OPHN1: variants seen among roughly 807,000 people sequenced by gnomAD.
The protein encoded by OPHN1 is oligophrenin-1.
Under a neutral mutation model 60.7 loss-of-function variants are expected in OPHN1, and 11 were observed. That is an observed-to-expected ratio of 0.18 (90% CI 0.11 to 0.30). The LOEUF (loss-of-function observed/expected upper bound fraction) is 0.30. Among genes scored for constraint, OPHN1 ranks in the 10% least tolerant of loss-of-function variants. The probability of loss-of-function intolerance (pLI) is 1.00; values close to 1 mark genes in which losing one functional copy is unlikely to be tolerated. For synonymous variants in OPHN1, 226 were observed against 222.6 expected (o/e 1.02, Z -0.14); for missense variants, 449 against 611.0 (o/e 0.73, Z 2.80).
intron 3 of OPHN1, among the ~76,000 whole-genome samples, chrX:68,289,547 C>T (rs774370477): frequency 1.8e-5 from 2 of 111,893 alleles, no homozygotes; most frequent in East Asian, 5.6e-4. Context: ...TCTGGGAAAC[C>T]ATACCTAAAA....
chrX:68,346,675 G>C (rs2078380677), intron 2 of OPHN1, among the ~76,000 whole-genome samples: 1 of 112,029 alleles, frequency 8.9e-6, no homozygotes, highest in Non-Finnish European at 1.9e-5. Flanking sequence ...GGCTGGGAGA[G>C]GGAAAAGGTC....
chrX:68,063,874 G>A lies in OPHN1; in HGVS notation c.2138C>T (p.Pro713Leu). Residue 713 changes from proline (P) to leucine (L), a missense_variant, in exon 21 of 25, where the codon CCC (proline) becomes CTC (leucine). Transcript: ENST00000355520. ...SFHIKRPAPR[P>L]LAHHKEGDAD... The stretch of plus-strand genomic sequence containing the variant: ...CTTACCCTCCTTGTGGTGGGCCAGG[G>A]GCCGGGGAGCTGGTCTCTTTATGTG... 2.6e-6 allele frequency: 3 copies of A among 1,171,723 alleles called. No homozygotes were observed. Among genetic ancestry groups the A allele is most frequent in the East Asian group, 3.1e-5 (1 of 32,363 alleles).
chrX:68,167,528 T>G (rs146965139), intron 15 of OPHN1, among the ~76,000 whole-genome samples: 7,845 of 110,226 alleles, frequency 0.071, 238 homozygotes, highest in African/African-American at 0.1. Flanking sequence ...TGTGTGTGTG[T>G]GTGTATATGT....
chrX:68,179,825 T>C lies in OPHN1; in HGVS notation c.1276+13094A>G, dbSNP rs777175645. Among the ~76,000 whole-genome samples the C allele has an allele frequency of 3.7e-3, 412 of 111,751 alleles. 3 individuals are homozygous for C. Among genetic ancestry groups the C allele is most frequent in the African/African-American group, 0.013 (388 of 30,760 alleles). The stretch of plus-strand genomic sequence containing the variant: ...CATTGTCATCTGGTGAGGGTCTTTA[T>C]GTTCATCATCCCATGACAGCTGGGC... On this transcript the variant is annotated intron_variant, in intron 15 of 24. Coordinates refer to ENST00000355520, the MANE Select transcript of OPHN1 (RefSeq NM_002547.3).
intron 2 of OPHN1, among the ~76,000 whole-genome samples, chrX:68,427,089 T>TAAAAA (rs11446400): frequency 4.1e-5 from 3 of 72,702 alleles, no homozygotes; most frequent in Admixed American, 1.8e-4. Context: ...CCATCTCTAC[T>TAAAAA]AAAAAAAAAA....
chrX:68,276,665 T>C (rs1844283387), intron 4 of OPHN1, among the ~76,000 whole-genome samples: 1 of 111,026 alleles, frequency 9.0e-6, no homozygotes, highest in African/African-American at 3.3e-5. Flanking sequence ...AGAGGTGAGG[T>C]CTATGTCCCC....
At chrX:68,380,052 G>C in intron 2 of OPHN1, among the ~76,000 whole-genome samples, 1 of 111,095 alleles carries the variant, frequency 9.0e-6, no homozygotes, top group Middle Eastern at 4.6e-3. Flanking sequence ...GAATCCATCT[G>C]GTCATGGACT....
intron 16 of OPHN1, among the ~76,000 whole-genome samples, chrX:68,116,317 T>C (rs1200397460): frequency 8.9e-6 from 1 of 112,090 alleles, no homozygotes; most frequent in Non-Finnish European, 1.9e-5. Context: ...TTTCAAGGTA[T>C]GGCAAGAAAA....
At chrX:68,250,482 G>T (rs1409047860) in intron 5 of OPHN1, among the ~76,000 whole-genome samples, 1 of 111,108 alleles carries the variant, frequency 9.0e-6, no homozygotes, top group East Asian at 2.8e-4. Flanking sequence ...GAGTTGGCCT[G>T]CTCAGTTCTG....
In OPHN1 at chrX:68,334,535, G is replaced by A. The variant is rs186099715; in HGVS notation, c.155-35439C>T. ...TGTGTACTTACATTTTGATATCGAT[G>A]AATTTCCATATAGTTAGACTTTGAT... On this transcript the variant is annotated intron_variant, in intron 2 of 24. Coordinates refer to ENST00000355520, the MANE Select transcript of OPHN1 (RefSeq NM_002547.3). 6.3e-4 allele frequency among the ~76,000 whole-genome samples: 70 copies of A among 111,872 alleles called. 1 individual carries two copies. In the East Asian group the frequency reaches 0.014, roughly 22 times the overall value.
rs1266981689 is a variant in OPHN1, at chrX:68,426,569, T to TAA, written c.154+6297_154+6298insTT. The stretch of plus-strand genomic sequence containing the variant: ...CATCTGTTTTATATATATATATATA[T>TAA]ACATACACAGAGGCTGGGCGTGATG... On this transcript the variant is annotated intron_variant, in intron 2 of 24. Coordinates refer to ENST00000355520, the MANE Select transcript of OPHN1 (RefSeq NM_002547.3). 2.6e-4 allele frequency among the ~76,000 whole-genome samples: 11 copies of TAA among 41,581 alleles called. No homozygotes were observed. The East Asian group carries it at 3.7e-3, about 14-fold the overall frequency. The allele number at this position is 41,581 out of a possible 115,157, so 36.1% of individuals were successfully genotyped here.
chrX:68,069,013 A>G (rs755492783), intron 20 of OPHN1, among the ~76,000 whole-genome samples: 4 of 112,260 alleles, frequency 3.6e-5, no homozygotes, highest in African/African-American at 1.3e-4. Context: ...ACTAAAAACC[A>G]TTAAACTGTA....
chrX:68,153,955 T>C (rs1182397422), intron 15 of OPHN1, among the ~76,000 whole-genome samples: 1 of 111,997 alleles, frequency 8.9e-6, no homozygotes, highest in East Asian at 2.8e-4. Context: ...ATACAGGTTA[T>C]AGATCTTTGA....
At chrX:68,402,080 C>T (rs902738357) in intron 2 of OPHN1, among the ~76,000 whole-genome samples, 1 of 111,131 alleles carries the variant, frequency 9.0e-6, no homozygotes, top group Non-Finnish European at 1.9e-5. Context: ...TGGAATGAAC[C>T]GAAGGAGAAA....
At chrX:68,053,133 C>A (rs917341927) in intron 22 of OPHN1, among the ~76,000 whole-genome samples, 2 of 111,409 alleles carry the variant, frequency 1.8e-5, no homozygotes, top group East Asian at 2.8e-4. Context: ...CCTTGGCTTG[C>A]GGCCCAGCCT....
At chrX:68,318,445 A>G (rs1049543989) in intron 2 of OPHN1, among the ~76,000 whole-genome samples, 1 of 112,281 alleles carries the variant, frequency 8.9e-6, no homozygotes, top group Non-Finnish European at 1.9e-5. Flanking sequence ...ACATAAAGGA[A>G]CTAAAATAGC....
intron 4 of OPHN1, among the ~76,000 whole-genome samples, chrX:68,276,692 G>A (rs2077993242): frequency 9.0e-6 from 1 of 111,129 alleles, no homozygotes; most frequent in Non-Finnish European, 1.9e-5. Flanking sequence ...TTGAATGTGA[G>A]TGGGCTTGTT....
intron 2 of OPHN1, among the ~76,000 whole-genome samples, chrX:68,350,458 T>TCCTTCCTCCCTC (rs2078402727): frequency 1.5e-5 from 1 of 67,132 alleles, no homozygotes; most frequent in African/African-American, 7.7e-5. Context: ...CTCCCTCCCT[T>TCCTTCCTCCCTC]CCTTCCTTCC....
chrX:68,262,379 T>C, intron 5 of OPHN1, among the ~76,000 whole-genome samples: 1 of 112,384 alleles, frequency 8.9e-6, no homozygotes, highest in Non-Finnish European at 1.9e-5. Flanking sequence ...TGTTATAAAA[T>C]TTTAATTTTT....
Sources: gnomAD v4.1 joint callset for allele counts (sites outside exome capture counted in the v4.1 genomes callset) on GRCh38, gnomAD v4.1.1 for gene constraint, MANE v1.5 for transcripts, NCBI Gene and HGNC (gene_info 2026-07-23, HGNC 2026-07-21) for gene names.